Variants in RP1 observed in about 807,000 individuals in gnomAD.
RP1 encodes the protein oxygen-regulated protein 1.
RP1 carries 16 observed loss-of-function variants against 14.8 expected under a neutral mutation model. The ratio of observed to expected loss-of-function variants is 1.08; its 90% CI spans 0.73 to 1.65. The LOEUF is 1.65. RP1 is among the 40% of genes most tolerant of loss of function. The probability of loss-of-function intolerance (pLI) is 0.00; values close to 1 mark genes in which losing one functional copy is unlikely to be tolerated. For missense variants in RP1, 2,631 were observed against 2,535.0 expected (o/e 1.04, Z -0.81); for synonymous variants, 876 against 883.6 (o/e 0.99, Z 0.15).
At chr8:54,574,568 G>A (rs1321962574) in intron 1 of RP1, among the ~76,000 whole-genome samples, 2 of 152,172 alleles carry the variant, frequency 1.3e-5, no homozygotes, top group African/African-American at 4.8e-5. Context: ...AAATTTGTAA[G>A]ACTGGGGCCT....
chr8:54,644,728 C>T (rs1478647094), intron 3 of RP1, among the ~76,000 whole-genome samples: 1 of 152,118 alleles, frequency 6.6e-6, no homozygotes, highest in Non-Finnish European at 1.5e-5. Flanking sequence ...AGAAAAGTAC[C>T]ATAAATTGGT....
intron 1 of RP1, among the ~76,000 whole-genome samples, chr8:54,603,433 T>G (rs1805345716): frequency 6.6e-6 from 1 of 152,220 alleles, no homozygotes; most frequent in Admixed American, 6.5e-5. Context: ...CTGTTTTGGT[T>G]ACTGTAGCCT....
chr8:54,564,727 G>A (rs1378959665), intron 1 of RP1, among the ~76,000 whole-genome samples: 1 of 152,104 alleles, frequency 6.6e-6, no homozygotes, highest in African/African-American at 2.4e-5. Flanking sequence ...CAATTTTATT[G>A]GACTTAGAGA....
At chr8:54,666,544 G>A (rs550837014) in intron 7 of RP1, among the ~76,000 whole-genome samples, 2 of 152,154 alleles carry the variant, frequency 1.3e-5, no homozygotes, top group South Asian at 2.1e-4. Flanking sequence ...GGAGAAGCTG[G>A]AGACTTGGTT....
chr8:54,628,469 T>G lies in RP1; in HGVS notation c.4587T>G (p.Ser1529Arg), dbSNP rs1257630652. The stretch of plus-strand genomic sequence containing the variant: ...ACGGTATAATTTATGAAATAATCAG[T>G]AAGAGGCTGGCAACACCACCATCTT... ...RMNGIIYEII[S>R]KRLATPPSLD... The change falls in exon 4 of 4, where the codon AGT (serine) becomes AGG (arginine). Residue 1529 changes from serine to arginine, a missense_variant. Physicochemically the swap from Ser to Arg is moderately radical, Grantham distance 110. Transcript: ENST00000220676. 6.2e-7 allele frequency: 1 copy of G among 1,613,456 alleles called. No homozygotes were observed. Among genetic ancestry groups the G allele is most frequent in the Non-Finnish European group, 8.5e-7 (1 of 1,179,688 alleles).
At chr8:54,753,600 G>T (rs756079070) in intron 19 of RP1, among the ~76,000 whole-genome samples, 46 of 152,208 alleles carry the variant, frequency 3.0e-4, no homozygotes, top group Non-Finnish European at 6.0e-4. Context: ...AATGTGGCCA[G>T]GTTGAGGAAC....
chr8:54,721,723 A>G lies in RP1; in HGVS notation c.2389+1417A>G, dbSNP rs182429066. Among the ~76,000 whole-genome samples, 17 of 152,212 alleles carry G rather than the reference A, an allele frequency of 1.1e-4. No individual in the cohort carries two copies. In the East Asian group the frequency reaches 2.9e-3, roughly 26 times the overall value. ...TTTTCTTCTCTATTTACTAGAGGCA[A>G]CCTCCTGCTTTAACAAGGGCAAGAA... On this transcript the variant is annotated intron_variant, in intron 16 of 22. Transcript: ENST00000636932.
At chr8:54,734,452 C>A in intron 17 of RP1, 2 of 1,231,540 alleles carry the variant, frequency 1.6e-6, no homozygotes, top group Non-Finnish European at 2.2e-6. Flanking sequence ...CCTACCCTGC[C>A]CAGTTTTCAT....
At chr8:54,669,578 G>A (rs552023245) in intron 7 of RP1, among the ~76,000 whole-genome samples, 10 of 152,226 alleles carry the variant, frequency 6.6e-5, no homozygotes, top group East Asian at 5.8e-4. Context: ...ACGTGCACAC[G>A]TATGTTTATT....
At chr8:54,776,177 G>A (rs1810034136) in intron 23 of RP1, among the ~76,000 whole-genome samples, 1 of 152,130 alleles carries the variant, frequency 6.6e-6, no homozygotes, top group Admixed American at 6.6e-5. Flanking sequence ...TGCAAATATT[G>A]TGCCATTTTG....
intron 1 of RP1, among the ~76,000 whole-genome samples, chr8:54,570,505 T>C (rs752487031): frequency 6.6e-6 from 1 of 151,942 alleles, no homozygotes; most frequent in East Asian, 1.9e-4. Context: ...ATTTTTATAT[T>C]TTTAGTAGAG....
At chr8:54,746,545 A>G (rs918066723) in intron 19 of RP1, among the ~76,000 whole-genome samples, 10 of 152,232 alleles carry the variant, frequency 6.6e-5, no homozygotes, top group African/African-American at 1.7e-4. Context: ...CAAGATGGCT[A>G]TAACTGAACA....
At chr8:54,789,113 G>T (rs1810399845) in intron 24 of RP1, among the ~76,000 whole-genome samples, 1 of 152,170 alleles carries the variant, frequency 6.6e-6, no homozygotes, top group South Asian at 2.1e-4. Flanking sequence ...ATTCTATGGG[G>T]TCAGCCAGGA....
chr8:54,628,750 A>T lies in RP1; in HGVS notation c.4868A>T (p.Tyr1623Phe), dbSNP rs777957896. The part of the protein sequence containing the change: ...DSGELTQEKE[Y>F]NIGFVKRAIE... ...GGCGAACTTACCCAAGAGAAAGAATATAACATAGGATTTGTTAAAAGGGCA... is the reference window on the plus strand; with the variant it reads ...GGCGAACTTACCCAAGAGAAAGAATTTAACATAGGATTTGTTAAAAGGGCA... The change falls in exon 4 of 4, where the codon TAT (tyrosine) becomes TTT (phenylalanine). Residue 1623 changes from tyrosine to phenylalanine, a missense_variant. Tyr to Phe is a conservative substitution (Grantham distance 22). Transcript: ENST00000220676. 1 of 1,614,130 alleles carries T rather than the reference A, an allele frequency of 6.2e-7. No individual in the cohort carries two copies. The highest frequency in any genetic ancestry group is 2.2e-5 in the East Asian group (1 of 44,880).
At chr8:54,641,726 G>T (rs560862915) in intron 3 of RP1, among the ~76,000 whole-genome samples, 21 of 152,208 alleles carry the variant, frequency 1.4e-4, no homozygotes, top group African/African-American at 4.6e-4. Flanking sequence ...CAATTATAAT[G>T]AAAATAACTT....
chr8:54,829,887 G>A (rs1306308782), intron 24 of RP1, among the ~76,000 whole-genome samples: 1 of 151,966 alleles, frequency 6.6e-6, no homozygotes, highest in Non-Finnish European at 1.5e-5. Context: ...GAGGGGGAAA[G>A]GACAACACTT....
At chr8:54,637,361 C>A (rs533621921) in intron 3 of RP1, among the ~76,000 whole-genome samples, 1 of 152,164 alleles carries the variant, frequency 6.6e-6, no homozygotes, top group East Asian at 1.9e-4. Context: ...AGAGCCAGAA[C>A]CACACAGTAG....
intron 3 of RP1, among the ~76,000 whole-genome samples, chr8:54,648,246 C>A (rs1806587849): frequency 6.6e-6 from 1 of 152,030 alleles, no homozygotes; most frequent in Non-Finnish European, 1.5e-5. Context: ...TGTGAAAATG[C>A]AATAATACAC....
At chr8:54,585,669 T>C (rs554248552) in intron 1 of RP1, among the ~76,000 whole-genome samples, 131 of 152,304 alleles carry the variant, frequency 8.6e-4, no homozygotes, top group African/African-American at 2.7e-3. Flanking sequence ...CACATAGTCC[T>C]ATATTTCTTG....
Sources: allele counts gnomAD v4.1 joint callset (sites outside exome capture counted in the v4.1 genomes callset), GRCh38; gene constraint gnomAD v4.1.1; transcripts MANE v1.5; gene names NCBI Gene and HGNC (gene_info 2026-07-23, HGNC 2026-07-21).